The following SIPA1L2 variants were observed in gnomAD, a reference collection of about 807,000 sequenced individuals.
SIPA1L2 encodes the protein signal-induced proliferation-associated 1-like protein 2.
SIPA1L2 carries 56 observed loss-of-function variants against 163.9 expected under a neutral mutation model. The ratio of observed to expected loss-of-function variants is 0.34; its 90% CI spans 0.28 to 0.43. The LOEUF is 0.43. Among genes scored for constraint, SIPA1L2 ranks in the 20% least tolerant of loss-of-function variants. The pLI is 1.00. For missense variants in SIPA1L2, 1,974 were observed against 2,193.5 expected, an observed-to-expected ratio of 0.90 and a Z score of 2.00; for synonymous variants, 877 against 865.7, an observed-to-expected ratio of 1.01 and a Z score of -0.23.
At chr1:232,527,120 C>G (rs6424233) in intron 2 of SIPA1L2, among the ~76,000 whole-genome samples, 102,352 of 152,130 alleles carry the variant, frequency 0.67, 36,197 homozygotes, top group Non-Finnish European at 0.8. Flanking sequence ...TGTGTCAAGT[C>G]TAAATTCTAT....
intron 3 of SIPA1L2, among the ~76,000 whole-genome samples, chr1:232,508,632 CA>C (rs1666840354): frequency 6.6e-6 from 1 of 152,212 alleles, no homozygotes; most frequent in African/African-American, 2.4e-5. Flanking sequence ...GCCTGTTTCA[CA>C]AATGCAAAGC....
chr1:232,458,906 G>GA (rs1664075240), intron 10 of SIPA1L2, among the ~76,000 whole-genome samples: 1 of 152,056 alleles, frequency 6.6e-6, no homozygotes, highest in South Asian at 2.1e-4. Flanking sequence ...TGGGACTCTG[G>GA]AAAAGCAGAC....
At chr1:232,533,392 T>G (rs1657104987) in intron 2 of SIPA1L2, among the ~76,000 whole-genome samples, 1 of 152,216 alleles carries the variant, frequency 6.6e-6, no homozygotes, top group Non-Finnish European at 1.5e-5. Flanking sequence ...TGATGATGTT[T>G]AAGACCACAG....
intron 1 of SIPA1L2, among the ~76,000 whole-genome samples, chr1:232,585,623 A>C (rs1660615925): frequency 6.6e-6 from 1 of 152,220 alleles, no homozygotes; most frequent in South Asian, 2.1e-4. Flanking sequence ...GCACATGTAA[A>C]AGGGTAAAGT....
intron 1 of SIPA1L2, among the ~76,000 whole-genome samples, chr1:232,612,509 A>G (rs1182353370): frequency 2.0e-5 from 3 of 152,192 alleles, no homozygotes; most frequent in Non-Finnish European, 4.4e-5. Flanking sequence ...CATCAGCATG[A>G]CCTGGATGTG....
Position 232,538,689 on chromosome 1 carries a change from C to A in SIPA1L2, c.-269-23081G>T, listed in dbSNP as rs543930887. 2.0e-5 allele frequency among the ~76,000 whole-genome samples: 3 copies of A among 149,610 alleles called. No homozygotes were observed. In the South Asian group the frequency reaches 6.6e-4, roughly 33 times the overall value. On this transcript the variant is annotated intron_variant, in intron 2 of 22. Transcript: ENST00000674635. Reference sequence around the variant, plus strand: ...CCAGGCTTAGTGTTTTGTGACCCCCCCTCCCCCACTATACACACATGTGCT... The same window carrying A: ...CCAGGCTTAGTGTTTTGTGACCCCCACTCCCCCACTATACACACATGTGCT...
intron 1 of SIPA1L2, among the ~76,000 whole-genome samples, chr1:232,590,149 T>C (rs570446566): frequency 6.6e-6 from 1 of 152,260 alleles, no homozygotes; most frequent in South Asian, 2.1e-4. Context: ...CCCAGACACC[T>C]TGCTGGAGCA....
intron 8 of SIPA1L2, among the ~76,000 whole-genome samples, chr1:232,466,526 C>T (rs1664520986): frequency 6.6e-6 from 1 of 152,178 alleles, no homozygotes; most frequent in South Asian, 2.1e-4. Flanking sequence ...TGCGGTGGCT[C>T]ATGCCTGTAA....
chr1:232,536,228 C>G (rs1031707455), intron 2 of SIPA1L2, among the ~76,000 whole-genome samples: 1 of 152,190 alleles, frequency 6.6e-6, no homozygotes, highest in African/African-American at 2.4e-5. Context: ...AGGCATCTCT[C>G]GCCTCTCTCC....
intron 1 of SIPA1L2, among the ~76,000 whole-genome samples, chr1:232,618,291 G>A (rs1195521969): frequency 6.6e-6 from 1 of 152,164 alleles, no homozygotes; most frequent in Admixed American, 6.5e-5. Flanking sequence ...AGAGACCTGG[G>A]GGCGGAAGGG....
chr1:232,442,663 A>T (rs894600252), intron 12 of SIPA1L2, among the ~76,000 whole-genome samples: 2 of 152,204 alleles, frequency 1.3e-5, no homozygotes, highest in Admixed American at 1.3e-4. Flanking sequence ...ACTTATTGAC[A>T]TTACAAAGTG....
At chr1:232,590,878 C>T (rs1447775455) in intron 1 of SIPA1L2, among the ~76,000 whole-genome samples, 1 of 152,214 alleles carries the variant, frequency 6.6e-6, no homozygotes, top group Admixed American at 6.5e-5. Flanking sequence ...AAACCCACCC[C>T]ATCAACCTAA....
In SIPA1L2 at chr1:232,503,681, T is replaced by G. The variant is rs574826400; in HGVS notation, c.1484-10021A>C. Reference sequence around the variant, plus strand: ...TTGCTATTTTGCCATAAAATGCATTTTAAAGGTTCTTTGTTCTCTCAACCA... The same window carrying G: ...TTGCTATTTTGCCATAAAATGCATTGTAAAGGTTCTTTGTTCTCTCAACCA... On this transcript the variant is annotated intron_variant, in intron 3 of 22. Coordinates refer to ENST00000674635, the MANE Select transcript of SIPA1L2 (RefSeq NM_020808.5). Among the ~76,000 whole-genome samples the G allele has an allele frequency of 6.6e-5, 10 of 152,374 alleles. No individual in the cohort carries two copies. The South Asian group carries it at 2.1e-3, about 32-fold the overall frequency.
chr1:232,495,821 A>T (rs1329296537), intron 3 of SIPA1L2, among the ~76,000 whole-genome samples: 2 of 152,210 alleles, frequency 1.3e-5, no homozygotes, highest in African/African-American at 4.8e-5. Flanking sequence ...AAGCCAAAAA[A>T]AAGTTCAGAA....
At chr1:232,597,568 T>C (rs1246124340) in intron 1 of SIPA1L2, among the ~76,000 whole-genome samples, 2 of 149,212 alleles carry the variant, frequency 1.3e-5, no homozygotes, top group Non-Finnish European at 3.0e-5. Context: ...CGGGCGTCTG[T>C]AGTCCCAGCT....
Position 232,443,651 on chromosome 1 carries a change from G to T in SIPA1L2, c.3388C>A (p.Pro1130Thr). The change falls in exon 12 of 23, where the codon CCT becomes ACT. Residue 1130 changes from proline to threonine, a missense_variant. Physicochemically the swap from Pro to Thr is conservative, Grantham distance 38 (BLOSUM62 -1). This residue lies in a region of SIPA1L2 where 1,079 missense variants were observed against 1,150.7 expected (regional missense o/e 0.94). Coordinates refer to ENST00000674635, the MANE Select transcript of SIPA1L2 (RefSeq NM_020808.5). ...SPSNQSSSSD[P>T]GPGGSGPWRP... is the part of the protein sequence containing the mutation. ...CAGGGTCCGCTCCCGCCGGGTCCAG[G>T]GTCGCTGGAGGATGACTGGTTGCTG... The T allele has an allele frequency of 6.2e-7, 1 of 1,609,242 alleles. No homozygotes were observed. The highest frequency in any genetic ancestry group is 8.5e-7 in the Non-Finnish European group (1 of 1,177,818).
chr1:232,588,103 C>G (rs1192629503), intron 1 of SIPA1L2, among the ~76,000 whole-genome samples: 1 of 152,110 alleles, frequency 6.6e-6, no homozygotes, highest in African/African-American at 2.4e-5. Context: ...GACTCTTGAG[C>G]ACACACACAC....
chr1:232,432,225 GA>G (rs777277407), intron 16 of SIPA1L2, 21 bp downstream of exon 16: 1 of 1,603,110 alleles, frequency 6.2e-7, no homozygotes, highest in Non-Finnish European at 8.5e-7. Context: ...GCTGACCAGA[GA>G]AGAACAGCCA....
chr1:232,490,996 G>C lies in SIPA1L2; in HGVS notation c.1684C>G (p.Arg562Gly). 1 of 1,614,064 alleles carries C rather than the reference G, an allele frequency of 6.2e-7. No individual in the cohort carries two copies. Among genetic ancestry groups the C allele is most frequent in the Non-Finnish European group, 8.5e-7 (1 of 1,179,982 alleles). ...AAAACTTCTTTGAGAGGTAGTCCTC[G>C]TGCGGTACCATGCCTAGCAGTAGAG... The part of the protein sequence containing the change: ...IPSTARHGTA[R>G]GLPLKEVLEY... Residue 562 changes from arginine to glycine, a missense_variant, in exon 5 of 23, where the codon CGA (arginine) becomes GGA (glycine). By Grantham distance (125) the Arg-to-Gly change is moderately radical (BLOSUM62 -2). Coordinates refer to ENST00000674635, the MANE Select transcript of SIPA1L2 (RefSeq NM_020808.5).
Sources: allele counts gnomAD v4.1 joint callset (sites outside exome capture counted in the v4.1 genomes callset), GRCh38; gene constraint gnomAD v4.1.1; regional missense constraint gnomAD v4.1.1; transcripts MANE v1.5; gene names NCBI Gene and HGNC (gene_info 2026-07-23, HGNC 2026-07-21).